Variants in SNAP23 observed in about 807,000 individuals in gnomAD.
SNAP23 encodes synaptosomal-associated protein 23.
A neutral mutation model predicts 29.0 loss-of-function variants in SNAP23; 11 were observed. The observed-to-expected ratio is 0.38, with a 90% CI of 0.24 to 0.63. The LOEUF is 0.63. Ranked by LOEUF, SNAP23 falls within the 20% of genes least tolerant of loss-of-function variation. The pLI is 0.58. For missense variants in SNAP23, 220 were observed against 253.9 expected (o/e 0.87, Z 0.91); for synonymous variants, 60 against 82.9 (o/e 0.72, Z 1.50).
rs187311838 is a variant in SNAP23, at chr15:42,507,554, G to A, written c.-14-4279G>A. 3.3e-5 allele frequency among the ~76,000 whole-genome samples: 5 copies of A among 152,260 alleles called. No individual in the cohort carries two copies. The East Asian group carries it at 5.8e-4, about 18-fold the overall frequency. On this transcript the variant is annotated intron_variant, in intron 1 of 7. Coordinates refer to ENST00000249647, the MANE Select transcript of SNAP23 (RefSeq NM_003825.4). Reference sequence around the variant, plus strand: ...ATTAGATTAAATCTGAGAAAAGTACGTTTAATGGCATCTTTGTATCAACTG... The same window carrying A: ...ATTAGATTAAATCTGAGAAAAGTACATTTAATGGCATCTTTGTATCAACTG...
At chr15:42,526,879 C>G (rs1307948387) in intron 5 of SNAP23, among the ~76,000 whole-genome samples, 1 of 151,148 alleles carries the variant, frequency 6.6e-6, no homozygotes, top group Admixed American at 6.6e-5. Flanking sequence ...GCTCTGTTGC[C>G]CAGGCTGGAG....
At chr15:42,502,754 C>T (rs1160552572) in intron 1 of SNAP23, among the ~76,000 whole-genome samples, 1 of 152,140 alleles carries the variant, frequency 6.6e-6, no homozygotes, top group African/African-American at 2.4e-5. Context: ...CATAGAACGT[C>T]CCCTTTCTGT....
At chr15:42,504,526 T>A (rs536730481) in intron 1 of SNAP23, among the ~76,000 whole-genome samples, 11 of 152,352 alleles carry the variant, frequency 7.2e-5, no homozygotes, top group African/African-American at 2.6e-4. Context: ...ATATTCAACA[T>A]TGTTACTTTC....
upstream of SNAP23, among the ~76,000 whole-genome samples, chr15:42,494,814 T>A (rs2057202659): frequency 6.6e-6 from 1 of 152,124 alleles, no homozygotes; most frequent in Non-Finnish European, 1.5e-5. Context: ...CCACTGTGCC[T>A]GGTGAAGCAC....
upstream of SNAP23, among the ~76,000 whole-genome samples, chr15:42,492,166 T>C (rs2141485404): frequency 1.4e-5 from 2 of 147,650 alleles, no homozygotes; most frequent in East Asian, 2.1e-4. Context: ...CCACCTCGGC[T>C]TCCCTAAGTG....
chr15:42,529,866 G>A (rs1488171447), intron 7 of SNAP23, 47 bp downstream of exon 7: 46 of 1,595,722 alleles, frequency 2.9e-5, no homozygotes, highest in Non-Finnish European at 3.8e-5. Context: ...CCAGTTCAGT[G>A]TTTCAGTAAT....
intron 4 of SNAP23, among the ~76,000 whole-genome samples, chr15:42,513,887 C>T (rs1278533546): frequency 6.6e-6 from 1 of 152,072 alleles, no homozygotes; most frequent in Non-Finnish European, 1.5e-5. Flanking sequence ...GATCTTGGCT[C>T]ACTGCAACCT....
intron 1 of SNAP23, among the ~76,000 whole-genome samples, chr15:42,509,372 A>G (rs2057341004): frequency 6.6e-6 from 1 of 152,168 alleles, no homozygotes; most frequent in South Asian, 2.1e-4. Flanking sequence ...AGCAAGATAG[A>G]AACTTAAATT....
intron 1 of SNAP23, chr15:42,505,125 G>C (rs1235187846): frequency 2.0e-5 from 3 of 150,928 alleles, no homozygotes; most frequent in Non-Finnish European, 4.4e-5. Flanking sequence ...TTTTCAGACA[G>C]TCTTGCTCTG....
chr15:42,531,352 A>C, intron 7 of SNAP23, 61 bp from the exon 8 acceptor site: 1 of 1,215,832 alleles, frequency 8.2e-7, no homozygotes, highest in Non-Finnish European at 1.1e-6. Context: ...CCAAGTGTAA[A>C]AAGTTTAATT....
chr15:42,526,267 G>A (rs538989339), intron 5 of SNAP23, among the ~76,000 whole-genome samples: 31 of 152,232 alleles, frequency 2.0e-4, no homozygotes, highest in Middle Eastern at 3.4e-3. Context: ...AAGAATACAT[G>A]TGAATATTTA....
intron 1 of SNAP23, among the ~76,000 whole-genome samples, chr15:42,502,862 T>C (rs2057285672): frequency 6.6e-6 from 1 of 152,224 alleles, no homozygotes; most frequent in Non-Finnish European, 1.5e-5. Context: ...TAGAGTAGAA[T>C]TGTGGAAGTT....
chr15:42,493,629 C>T (rs2057192028), upstream of SNAP23, among the ~76,000 whole-genome samples: 2 of 152,026 alleles, frequency 1.3e-5, no homozygotes, highest in Non-Finnish European at 2.9e-5. Flanking sequence ...GAGAAATTTA[C>T]ACAGGAGGGC....
chr15:42,492,077 A>C (rs1464140211), upstream of SNAP23, among the ~76,000 whole-genome samples: 1 of 150,530 alleles, frequency 6.6e-6, no homozygotes, highest in African/African-American at 2.4e-5. Flanking sequence ...CGCCCAACTA[A>C]TTTTTGTATT....
intron 5 of SNAP23, among the ~76,000 whole-genome samples, chr15:42,519,565 T>G (rs2057426503): frequency 6.6e-6 from 1 of 151,500 alleles, no homozygotes; most frequent in Non-Finnish European, 1.5e-5. Context: ...AGACGGGGTT[T>G]TGCCATGTTG....
upstream of SNAP23, chr15:42,495,601 G>A (rs1407320612): frequency 6.6e-6 from 1 of 152,324 alleles, no homozygotes; most frequent in Admixed American, 6.5e-5. Context: ...GCGGCGAACG[G>A]GAAGTGAGCA....
intron 5 of SNAP23, among the ~76,000 whole-genome samples, chr15:42,527,106 G>A (rs1262340217): frequency 6.6e-6 from 1 of 152,122 alleles, no homozygotes; most frequent in African/African-American, 2.4e-5. Context: ...CCAAAGTGCT[G>A]GGATTACCGG....
At chr15:42,525,115 C>T (rs935044364) in intron 5 of SNAP23, among the ~76,000 whole-genome samples, 4 of 152,096 alleles carry the variant, frequency 2.6e-5, no homozygotes, top group Non-Finnish European at 5.9e-5. Flanking sequence ...CTTCTGTAAT[C>T]CCAGCACTTT....
intron 5 of SNAP23, among the ~76,000 whole-genome samples, chr15:42,518,418 T>C (rs920160422): frequency 2.0e-5 from 3 of 151,320 alleles, no homozygotes; most frequent in Admixed American, 6.6e-5. Flanking sequence ...GGAAATACTT[T>C]TTCTTTTCTT....
Sources: allele counts gnomAD v4.1 joint callset (sites outside exome capture counted in the v4.1 genomes callset), GRCh38; gene constraint gnomAD v4.1.1; transcripts MANE v1.5; gene names NCBI Gene and HGNC (gene_info 2026-07-23, HGNC 2026-07-21).